NAPA: variants seen among roughly 807,000 people sequenced by gnomAD.
The protein encoded by NAPA is NSF attachment protein alpha.
Under a neutral mutation model 48.0 loss-of-function variants are expected in NAPA, and 18 were observed. The observed-to-expected ratio is 0.38, with a 90% CI of 0.26 to 0.56. The LOEUF (loss-of-function observed/expected upper bound fraction) is 0.56, where lower values mean the gene tolerates loss of function less well. Ranked by LOEUF, NAPA falls within the 20% of genes least tolerant of loss-of-function variation. The pLI is 0.77. For missense variants in NAPA, 315 were observed against 385.0 expected, an observed-to-expected ratio of 0.82 and a Z score of 1.52; for synonymous variants, 152 against 149.9, an observed-to-expected ratio of 1.01 and a Z score of -0.10.
intron 1 of NAPA, among the ~76,000 whole-genome samples, chr19:47,512,258 C>T (rs779211287): frequency 6.6e-6 from 1 of 152,044 alleles, no homozygotes; most frequent in African/African-American, 2.4e-5. Context: ...ATCTCTGTTG[C>T]ACCATCCCTG....
chr19:47,504,890 C>A (rs1046855889), intron 1 of NAPA, among the ~76,000 whole-genome samples: 4 of 152,112 alleles, frequency 2.6e-5, no homozygotes, highest in Non-Finnish European at 4.4e-5. Flanking sequence ...CAAAACCCCC[C>A]AAAAACTTAT....
intron 1 of NAPA, among the ~76,000 whole-genome samples, chr19:47,509,283 G>T (rs1343598924): frequency 2.1e-5 from 3 of 141,140 alleles, no homozygotes; most frequent in Non-Finnish European, 3.0e-5. Flanking sequence ...AGTTTCTTGT[G>T]GTGGTAAAAA....
intron 1 of NAPA, among the ~76,000 whole-genome samples, chr19:47,507,179 G>C (rs1435657740): frequency 1.3e-5 from 2 of 152,138 alleles, no homozygotes; most frequent in Non-Finnish European, 2.9e-5. Flanking sequence ...GGAATAGAGG[G>C]AACTGGTTTG....
intron 3 of NAPA, chr19:47,496,838 T>C (rs1445770352): frequency 4.4e-6 from 2 of 455,378 alleles, no homozygotes; most frequent in Non-Finnish European, 8.8e-6. Flanking sequence ...AACAGTGGGG[T>C]CCATAAGCAC....
intron 7 of NAPA, 23 bp from the exon 8 acceptor site, chr19:47,492,142 C>T (rs748159046): frequency 1.2e-6 from 2 of 1,604,412 alleles, no homozygotes; most frequent in East Asian, 4.5e-5. Context: ...AGAAGTGGCA[C>T]TGGTGAGCTC....
At chr19:47,484,662 G>T (rs1489754147), downstream of NAPA, 1 of 158,314 alleles carries the variant, frequency 6.3e-6, no homozygotes, top group Non-Finnish European at 1.4e-5. Flanking sequence ...CTAGTAACGA[G>T]CGGTCAGTAC....
intron 8 of NAPA, 168 bp from the exon 9 acceptor site, chr19:47,491,024 T>C (rs921830056): frequency 3.7e-5 from 21 of 564,736 alleles, no homozygotes; most frequent in Non-Finnish European, 5.0e-5. Flanking sequence ...TACCTTCCCG[T>C]AGCTGAGCTC....
chr19:47,504,752 T>C (rs913406899), intron 1 of NAPA, among the ~76,000 whole-genome samples: 2 of 151,844 alleles, frequency 1.3e-5, no homozygotes, highest in Non-Finnish European at 2.9e-5. Context: ...CACACACACA[T>C]ATTTTTAAGT....
intron 2 of NAPA, among the ~76,000 whole-genome samples, chr19:47,502,754 A>G (rs947761179): frequency 5.3e-5 from 8 of 152,236 alleles, no homozygotes; most frequent in African/African-American, 1.7e-4. Context: ...AGCTCCAAAC[A>G]GATCTCCAGC....
At chr19:47,491,765 A>C (rs1411834816) in intron 8 of NAPA, among the ~76,000 whole-genome samples, 1 of 152,202 alleles carries the variant, frequency 6.6e-6, no homozygotes, top group African/African-American at 2.4e-5. Flanking sequence ...GGATTCAAAA[A>C]GTGCACCCAT....
downstream of NAPA, among the ~76,000 whole-genome samples, chr19:47,487,034 CAT>C (rs1371789413): frequency 1.3e-5 from 2 of 152,214 alleles, no homozygotes; most frequent in Non-Finnish European, 1.5e-5. Flanking sequence ...GGGTAAAGCA[CAT>C]GTGTACCAGA....
rs1043290952 is a variant in NAPA, at chr19:47,493,360, GA to G, written c.420+55del. Reference sequence around the variant, plus strand: ...CAGAGGACTCCCCTGGTGGGAAGAAGAGAGAGCAGCACTGGTCCTGGCTGCC... The same window carrying G: ...CAGAGGACTCCCCTGGTGGGAAGAAGGAGAGCAGCACTGGTCCTGGCTGCC... On this transcript the variant is annotated intron_variant, in intron 5 of 10. Coordinates refer to ENST00000263354, the MANE Select transcript of NAPA (RefSeq NM_003827.4). This position sits in a 1 kb window ranked among gnomAD's most constrained non-coding sequence, Gnocchi z 6.4. The G allele has an allele frequency of 4.6e-5, 73 of 1,591,136 alleles. No homozygotes were observed. The Admixed American group carries it at 1.2e-3, about 27-fold the overall frequency.
intron 7 of NAPA, chr19:47,492,693 T>C: frequency 1.6e-6 from 1 of 615,814 alleles, no homozygotes; most frequent in South Asian, 1.6e-5. Flanking sequence ...CCAGCCTCAC[T>C]CTGGGCCCCT....
intron 7 of NAPA, 167 bp downstream of exon 7, chr19:47,492,794 G>T: frequency 1.4e-6 from 1 of 725,660 alleles, no homozygotes; most frequent in Non-Finnish European, 2.5e-6. Flanking sequence ...AGAACATTCA[G>T]CCAGGCTGAA....
At chr19:47,499,647 A>G (rs1968521740) in intron 3 of NAPA, among the ~76,000 whole-genome samples, 1 of 152,228 alleles carries the variant, frequency 6.6e-6, no homozygotes. Context: ...TGGTCAGTCT[A>G]AGGACAGAGA....
intron 3 of NAPA, among the ~76,000 whole-genome samples, chr19:47,498,316 C>G (rs1157603539): frequency 6.6e-6 from 1 of 152,184 alleles, no homozygotes; most frequent in Non-Finnish European, 1.5e-5. Context: ...TCACAAGGCA[C>G]CCGGCCAAGG....
rs1419745036 is a variant in NAPA at position 47,506,359 on chromosome 19, C to G, written c.99-2857G>C. 1.3e-5 allele frequency among the ~76,000 whole-genome samples: 2 copies of G among 152,166 alleles called. No individual in the cohort carries two copies. The highest frequency in any genetic ancestry group is 3.8e-4 in the East Asian group (2 of 5,202). ...AGAGGTAAGAAACTTTCAAAACCTT[C>G]TGGCTGAGAATCCTGAAGGGTCCTT... On this transcript the variant is annotated intron_variant, in intron 1 of 10. Transcript: ENST00000263354. The surrounding 1 kb of genome is among the most constrained non-coding windows in gnomAD (Gnocchi z 4.0).
intron 3 of NAPA, 66 bp from the exon 4 acceptor site, chr19:47,495,662 A>G: frequency 6.5e-7 from 1 of 1,540,316 alleles, no homozygotes; most frequent in African/African-American, 1.4e-5. Context: ...AGCTGAGGAG[A>G]GGAGGCGGAC....
intron 3 of NAPA, 83 bp downstream of exon 3, chr19:47,500,550 C>G: frequency 1.7e-6 from 2 of 1,181,532 alleles, no homozygotes; most frequent in Non-Finnish European, 2.3e-6. Context: ...AAACCAGAGC[C>G]GCCAGGAAAC....
Sources: gnomAD v4.1 joint callset for allele counts (sites outside exome capture counted in the v4.1 genomes callset) on GRCh38, gnomAD v4.1.1 for gene constraint, Gnocchi (gnomAD v3.1) non-coding constraint, MANE v1.5 for transcripts, NCBI Gene and HGNC (gene_info 2026-07-23, HGNC 2026-07-21) for gene names.